Variants in MED13L observed in about 807,000 individuals in gnomAD.
The protein encoded by MED13L is mediator complex subunit 13L.
In MED13L, 7 loss-of-function variants were observed where a neutral mutation model predicts 220.9. That is an observed-to-expected ratio of 0.03 (90% CI 0.02 to 0.06). MED13L has a LOEUF of 0.06. MED13L is among the 10% of genes least tolerant of loss of function. The probability of loss-of-function intolerance (pLI) is 1.00; values close to 1 mark genes in which losing one functional copy is unlikely to be tolerated. For synonymous variants in MED13L, 1,011 were observed against 1,015.2 expected, an observed-to-expected ratio of 1.00 and a Z score of 0.08; for missense variants, 1,965 against 2,760.5, an observed-to-expected ratio of 0.71 and a Z score of 6.46.
intron 7 of MED13L, among the ~76,000 whole-genome samples, chr12:116,018,106 T>C (rs915583757): frequency 1.3e-5 from 2 of 152,170 alleles, no homozygotes; most frequent in African/African-American, 4.8e-5. Context: ...TATGACTTTA[T>C]TGTTTACCAA....
In MED13L at chr12:115,991,879, G is replaced by A. The variant is rs750949026; in HGVS notation, c.3075C>T (p.Asn1025=). The part of the protein sequence containing the change: ...TPQMNTPVTL[N]SAAPASNSGA... ...CACTATTGCTGGCTGGGGCAGCGCT[G>A]TTCAACGTCACGGGTGTGTTCATCT... The change falls in exon 17 of 31, where the codon AAC becomes AAT. Residue 1025 remains asparagine (N), a synonymous_variant. Coordinates refer to ENST00000281928, the MANE Select transcript of MED13L (RefSeq NM_015335.5). The surrounding 1 kb of genome is among the most constrained non-coding windows in gnomAD (Gnocchi z 7.7). 6.2e-7 allele frequency: 1 copy of A among 1,604,770 alleles called. No homozygotes were observed. Among genetic ancestry groups the A allele is most frequent in the Non-Finnish European group, 8.5e-7 (1 of 1,179,938 alleles).
chr12:116,120,434 C>CTT (rs2137949369), intron 2 of MED13L, among the ~76,000 whole-genome samples: 1 of 112,586 alleles, frequency 8.9e-6, no homozygotes, highest in South Asian at 3.4e-4. Flanking sequence ...TTTAAATAAT[C>CTT]TCTCTTTCTC....
chr12:116,113,371 T>C (rs1402862380), intron 2 of MED13L, among the ~76,000 whole-genome samples: 2 of 151,298 alleles, frequency 1.3e-5, no homozygotes, highest in Admixed American at 6.6e-5. Context: ...ATGTGGTGGC[T>C]CACAGCTGTA....
chr12:116,220,415 A>G (rs971443451), intron 2 of MED13L, among the ~76,000 whole-genome samples: 1 of 152,080 alleles, frequency 6.6e-6, no homozygotes, highest in African/African-American at 2.4e-5. Context: ...AAGAGAACAT[A>G]GGGCCGGACG....
intron 4 of MED13L, among the ~76,000 whole-genome samples, chr12:116,028,304 A>G (rs1180392719): frequency 6.6e-6 from 1 of 152,190 alleles, no homozygotes; most frequent in Non-Finnish European, 1.5e-5. Flanking sequence ...AATCTTTATT[A>G]CAAGCTCTAT....
intron 10 of MED13L, 68 bp from the exon 11 acceptor site, chr12:116,007,704 T>A: frequency 7.1e-7 from 1 of 1,411,216 alleles, no homozygotes; most frequent in African/African-American, 1.4e-5. Flanking sequence ...AGTTTAAACT[T>A]TTTGTAAAAA....
At chr12:116,078,162 G>T (rs1399390761) in intron 4 of MED13L, among the ~76,000 whole-genome samples, 1 of 148,460 alleles carries the variant, frequency 6.7e-6, no homozygotes, top group South Asian at 2.1e-4. Flanking sequence ...AAAAAAAAAG[G>T]AAGGAAGAAA....
At chr12:116,071,787 A>T (rs2137686217) in intron 4 of MED13L, among the ~76,000 whole-genome samples, 1 of 151,672 alleles carries the variant, frequency 6.6e-6, no homozygotes, top group South Asian at 2.1e-4. Context: ...CATTACACCC[A>T]GTCTGGGCCA....
At chr12:116,032,018 T>C (rs1236762575) in intron 4 of MED13L, among the ~76,000 whole-genome samples, 1 of 152,102 alleles carries the variant, frequency 6.6e-6, no homozygotes, top group African/African-American at 2.4e-5. Context: ...TATATCCCAT[T>C]AGCAATAGCA....
At chr12:116,220,373 T>TA (rs1160619639) in intron 2 of MED13L, among the ~76,000 whole-genome samples, 1 of 152,172 alleles carries the variant, frequency 6.6e-6, no homozygotes, top group Non-Finnish European at 1.5e-5. Context: ...CCACTTCTCT[T>TA]AGACCATCAA....
rs188877936 is a variant in MED13L at position 116,098,118 on chromosome 12, C to T, written c.396-1366G>A. On this transcript the variant is annotated intron_variant, in intron 3 of 30. Coordinates refer to ENST00000281928, the MANE Select transcript of MED13L (RefSeq NM_015335.5). ...AAAATTAGCTGGGCGTGGTGGTGCGCGCCTGTAATCCCAGCTACTCGGGAG... is the reference window on the plus strand; with the variant it reads ...AAAATTAGCTGGGCGTGGTGGTGCGTGCCTGTAATCCCAGCTACTCGGGAG... Among the ~76,000 whole-genome samples the T allele has an allele frequency of 2.8e-3, 421 of 151,968 alleles. 2 individuals carry two copies. The highest frequency in any genetic ancestry group is 4.9e-3 in the Non-Finnish European group (334 of 67,960).
At chr12:116,098,077 T>C (rs1337138513) in intron 3 of MED13L, among the ~76,000 whole-genome samples, 1 of 152,038 alleles carries the variant, frequency 6.6e-6, no homozygotes, top group East Asian at 1.9e-4. Context: ...AAACCCCGTT[T>C]CTACTAAAAA....
chr12:115,962,422 G>C (rs1875829705), intron 30 of MED13L, among the ~76,000 whole-genome samples: 1 of 152,090 alleles, frequency 6.6e-6, no homozygotes, highest in Admixed American at 6.5e-5. Context: ...TGTAATGCTC[G>C]CTCACTTGCT....
chr12:116,234,933 G>A (rs1206319446), intron 2 of MED13L, among the ~76,000 whole-genome samples: 1 of 152,022 alleles, frequency 6.6e-6, no homozygotes, highest in Non-Finnish European at 1.5e-5. Flanking sequence ...AAAGTGTTGG[G>A]ATAACCAGCG....
chr12:116,238,021 TG>T (rs1310446073), intron 1 of MED13L, among the ~76,000 whole-genome samples: 4 of 152,236 alleles, frequency 2.6e-5, no homozygotes, highest in Non-Finnish European at 5.9e-5. Flanking sequence ...CTATTTTCTA[TG>T]TTATCATTCA....
chr12:116,137,385 T>C (rs1342924476), intron 2 of MED13L, among the ~76,000 whole-genome samples: 26 of 152,148 alleles, frequency 1.7e-4, no homozygotes, highest in Admixed American at 1.7e-3. Flanking sequence ...TTTACAGATA[T>C]AGAAATCAAG....
intron 2 of MED13L, among the ~76,000 whole-genome samples, chr12:116,233,212 GC>G (rs536564466): frequency 1.1e-4 from 16 of 151,824 alleles, no homozygotes; most frequent in African/African-American, 3.9e-4. Flanking sequence ...AGCCAAAACA[GC>G]AAAGGTATAA....
intron 3 of MED13L, among the ~76,000 whole-genome samples, chr12:116,107,001 T>C (rs1199663835): frequency 2.0e-5 from 3 of 152,210 alleles, no homozygotes; most frequent in South Asian, 2.1e-4. Flanking sequence ...TAACCACTTA[T>C]TGAGCTCTTA....
At chr12:116,212,667 A>G (rs554460889) in intron 2 of MED13L, among the ~76,000 whole-genome samples, 1 of 152,356 alleles carries the variant, frequency 6.6e-6, no homozygotes, top group Non-Finnish European at 1.5e-5. Flanking sequence ...ACAAAACAAC[A>G]AAACTTTAAC....
Sources: allele counts gnomAD v4.1 joint callset (sites outside exome capture counted in the v4.1 genomes callset), GRCh38; gene constraint gnomAD v4.1.1; non-coding constraint Gnocchi (gnomAD v3.1); transcripts MANE v1.5; gene names NCBI Gene and HGNC (gene_info 2026-07-23, HGNC 2026-07-21).